Variants in ATAD2B observed in about 807,000 individuals in gnomAD.
The protein encoded by ATAD2B is ATPase family AAA domain-containing protein 2B.
ATAD2B carries 40 observed loss-of-function variants against 167.6 expected under a neutral mutation model. The observed-to-expected ratio is 0.24, with a 90% CI of 0.19 to 0.31. The LOEUF (loss-of-function observed/expected upper bound fraction) is 0.31. Among genes scored for constraint, ATAD2B ranks in the 10% least tolerant of loss-of-function variants. ATAD2B has a pLI of 1.00. For synonymous variants in ATAD2B, 579 were observed against 596.5 expected (o/e 0.97, Z 0.43); for missense variants, 1,242 against 1,757.2 (o/e 0.71, Z 5.24).
At chr2:23,693,149 A>G in the ATAD2B span, 3 of 1,115,804 alleles carry the variant, frequency 2.7e-6, no homozygotes, top group Non-Finnish European at 2.4e-6. Flanking sequence ...GACTCTGGAC[A>G]CTGCAGTCAG....
At chr2:23,842,216 T>C (rs1312541726) in intron 13 of ATAD2B, among the ~76,000 whole-genome samples, 2 of 152,298 alleles carry the variant, frequency 1.3e-5, no homozygotes, top group East Asian at 3.9e-4. Context: ...GCTTTTGGAT[T>C]GACTTTTAAA....
chr2:23,687,410 C>T, the ATAD2B span, among the ~76,000 whole-genome samples: 1 of 152,352 alleles, frequency 6.6e-6, no homozygotes, highest in Non-Finnish European at 1.5e-5. Context: ...CTGGCAAGGA[C>T]GGTGCCTGCC....
chr2:23,864,433 C>A (rs1694863809), intron 11 of ATAD2B, among the ~76,000 whole-genome samples: 1 of 152,128 alleles, frequency 6.6e-6, no homozygotes, highest in Admixed American at 6.6e-5. Flanking sequence ...CACTCTATTT[C>A]AAAAATACTC....
intron 14 of ATAD2B, among the ~76,000 whole-genome samples, chr2:23,833,082 A>C (rs199985124): frequency 6.6e-6 from 1 of 152,190 alleles, no homozygotes; most frequent in East Asian, 1.9e-4. Context: ...TGTCAATCCA[A>C]ATCTGAGTCA....
the ATAD2B span, among the ~76,000 whole-genome samples, chr2:23,728,838 T>C: frequency 0.011 from 1,631 of 152,290 alleles, 15 homozygotes; most frequent in Middle Eastern, 0.031. Flanking sequence ...AGAAGGAAAT[T>C]GTATTAGTTC....
At chr2:23,747,502 G>C (rs573067825), downstream of ATAD2B, among the ~76,000 whole-genome samples, 2 of 152,058 alleles carry the variant, frequency 1.3e-5, no homozygotes, top group Non-Finnish European at 2.9e-5. Flanking sequence ...AAGCCAGATA[G>C]AGATGAAGAG....
At chr2:23,693,667 G>A in the ATAD2B span, 2 of 921,112 alleles carry the variant, frequency 2.2e-6, no homozygotes, top group South Asian at 1.7e-5. Flanking sequence ...AGGGCGGGCA[G>A]AGAGGTGAGA....
intron 13 of ATAD2B, among the ~76,000 whole-genome samples, chr2:23,855,529 A>G (rs1190193756): frequency 1.3e-5 from 2 of 152,214 alleles, no homozygotes; most frequent in Non-Finnish European, 1.5e-5. Flanking sequence ...GGAAAACAGT[A>G]CAGTGTTACC....
intron 1 of ATAD2B, among the ~76,000 whole-genome samples, chr2:23,902,289 G>C (rs947112298): frequency 6.6e-6 from 1 of 152,066 alleles, no homozygotes; most frequent in African/African-American, 2.4e-5. Flanking sequence ...ATCTTGATTT[G>C]GCTCTATGAC....
chr2:23,897,574 T>C (rs935991729), intron 1 of ATAD2B, among the ~76,000 whole-genome samples: 1 of 152,250 alleles, frequency 6.6e-6, no homozygotes, highest in African/African-American at 2.4e-5. Context: ...TATTCATTTA[T>C]ATTTTTATCA....
At chr2:23,914,909 A>T (rs757549574) in intron 1 of ATAD2B, among the ~76,000 whole-genome samples, 2 of 152,110 alleles carry the variant, frequency 1.3e-5, no homozygotes, top group Non-Finnish European at 2.9e-5. Flanking sequence ...GCACATATAG[A>T]AGTAATACTT....
chr2:23,738,348 C>T, the ATAD2B span, among the ~76,000 whole-genome samples: 1 of 152,246 alleles, frequency 6.6e-6, no homozygotes, highest in African/African-American at 2.4e-5. Context: ...AACAGCTGAT[C>T]TCTCTGCAGA....
At chr2:23,836,212 C>A (rs977961790) in intron 13 of ATAD2B, among the ~76,000 whole-genome samples, 1 of 152,226 alleles carries the variant, frequency 6.6e-6, no homozygotes, top group Non-Finnish European at 1.5e-5. Flanking sequence ...GGCATGCCGG[C>A]TGCTGCACCG....
At chr2:23,784,976 T>A (rs951387954) in intron 21 of ATAD2B, among the ~76,000 whole-genome samples, 1 of 152,022 alleles carries the variant, frequency 6.6e-6, no homozygotes, top group Non-Finnish European at 1.5e-5. Context: ...ATAATAATAA[T>A]GATCCTACAA....
At chr2:23,870,285 C>CTTTTTTTTTT (rs5829912) in intron 8 of ATAD2B, among the ~76,000 whole-genome samples, 8 of 105,646 alleles carry the variant, frequency 7.6e-5, no homozygotes, top group African/African-American at 1.1e-4. Context: ...CAGTAACCAA[C>CTTTTTTTTTT]TTTTTTTTTT....
At chr2:23,711,217 A>G in the ATAD2B span, among the ~76,000 whole-genome samples, 101,252 of 151,576 alleles carry the variant, frequency 0.67, 34,918 homozygotes, top group East Asian at 0.85. Flanking sequence ...ATGGAATTGC[A>G]GGCAATTTTT....
At position 23,926,664 on chromosome 2, in the gene ATAD2B, C is replaced by T; in HGVS notation, c.107G>A (p.Ser36Asn). ...GAEPGATGGS[S>N]HFISSRTRSS... ...GCGGGTCCGAGAGGAGATGAAATGG[C>T]TGCTGCCTCCGGTCGCCCCAGGCTC... The change falls in exon 1 of 28, where the codon AGC (serine) becomes AAC (asparagine). Residue 36 changes from serine (S) to asparagine (N), a missense_variant. Ser to Asn is a conservative substitution (Grantham distance 46, BLOSUM62 1). Coordinates refer to ENST00000238789, the MANE Select transcript of ATAD2B (RefSeq NM_017552.4). The T allele has an allele frequency of 6.4e-7, 1 of 1,558,950 alleles. No individual in the cohort carries two copies. The highest frequency in any genetic ancestry group is 1.4e-5 in the African/African-American group (1 of 73,574).
At chr2:23,799,174 T>C (rs1683064369) in intron 18 of ATAD2B, among the ~76,000 whole-genome samples, 1 of 152,224 alleles carries the variant, frequency 6.6e-6, no homozygotes, top group African/African-American at 2.4e-5. Context: ...AGTTTAATTA[T>C]AAAAATCTTT....
intron 4 of ATAD2B, among the ~76,000 whole-genome samples, chr2:23,886,930 C>CAAAA (rs771470947): frequency 2.9e-4 from 34 of 116,422 alleles, no homozygotes; most frequent in Non-Finnish European, 4.3e-4. Flanking sequence ...GACTCCATCT[C>CAAAA]AAAAAAAAAA....
Sources: allele counts gnomAD v4.1 joint callset (sites outside exome capture counted in the v4.1 genomes callset), GRCh38; gene constraint gnomAD v4.1.1; transcripts MANE v1.5; gene names NCBI Gene and HGNC (gene_info 2026-07-23, HGNC 2026-07-21).